INSYN2B: variants seen among roughly 807,000 people sequenced by gnomAD.
INSYN2B encodes the protein protein INSYN2B.
INSYN2B carries 16 observed loss-of-function variants against 41.2 expected under a neutral mutation model. That is an observed-to-expected ratio of 0.39 (90% CI 0.26 to 0.59). INSYN2B has a LOEUF of 0.59. INSYN2B is among the 20% of genes least tolerant of loss of function. The pLI is 0.57. For synonymous variants in INSYN2B, 245 were observed against 244.4 expected, an observed-to-expected ratio of 1.00 and a Z score of -0.02; for missense variants, 608 against 646.4, an observed-to-expected ratio of 0.94 and a Z score of 0.64.
At chr5:169,970,157 T>C (rs933643944) in intron 1 of INSYN2B, among the ~76,000 whole-genome samples, 1 of 152,226 alleles carries the variant, frequency 6.6e-6, no homozygotes, top group African/African-American at 2.4e-5. Context: ...ATCAATCGTT[T>C]GGTTTTTAAT....
intron 3 of INSYN2B, among the ~76,000 whole-genome samples, chr5:169,873,608 C>T (rs765474311): frequency 2.0e-5 from 3 of 152,190 alleles, no homozygotes; most frequent in African/African-American, 7.2e-5. Flanking sequence ...CCTGGCTCCA[C>T]GCTGGGACAC....
At chr5:169,950,564 T>A (rs1269734270) in intron 1 of INSYN2B, among the ~76,000 whole-genome samples, 3 of 152,184 alleles carry the variant, frequency 2.0e-5, no homozygotes, top group Non-Finnish European at 4.4e-5. Flanking sequence ...GGGGGTTGTG[T>A]CAGTTTCTCT....
chr5:169,969,351 A>G (rs1777417212), intron 1 of INSYN2B, among the ~76,000 whole-genome samples: 1 of 152,078 alleles, frequency 6.6e-6, no homozygotes, highest in Non-Finnish European at 1.5e-5. Flanking sequence ...AGGCTGAGGC[A>G]GGAGATTCAC....
chr5:169,913,675 T>C (rs549313622), intron 1 of INSYN2B, among the ~76,000 whole-genome samples: 3 of 151,850 alleles, frequency 2.0e-5, no homozygotes, highest in Non-Finnish European at 4.4e-5. Context: ...CACTTTGTTG[T>C]GAAATTCAGT....
intron 2 of INSYN2B, 77 bp from the exon 3 acceptor site, chr5:169,881,519 C>A (rs1772645850): frequency 8.8e-7 from 1 of 1,138,058 alleles, no homozygotes; most frequent in African/African-American, 1.5e-5. Context: ...CTACTTGTCC[C>A]TTAGTCCCTA....
At chr5:169,901,546 G>A (rs149616049) in intron 1 of INSYN2B, among the ~76,000 whole-genome samples, 7 of 152,286 alleles carry the variant, frequency 4.6e-5, no homozygotes, top group African/African-American at 1.7e-4. Flanking sequence ...AAAAGTGGAA[G>A]CAGGATGAAC....
intron 1 of INSYN2B, among the ~76,000 whole-genome samples, chr5:169,961,978 C>CAAAAAAAAAAAAAAAAG (rs1777105383): frequency 1.3e-5 from 1 of 74,654 alleles, no homozygotes; most frequent in East Asian, 4.4e-4. Flanking sequence ...GACTCTGTCC[C>CAAAAAAAAAAAAAAAAG]AAAAAAAAAA....
intron 2 of INSYN2B, among the ~76,000 whole-genome samples, chr5:169,882,171 T>C (rs1772692631): frequency 6.6e-6 from 1 of 152,186 alleles, no homozygotes; most frequent in Admixed American, 6.5e-5. Context: ...AGAAATACTG[T>C]ACAAATGCAG....
At chr5:169,879,546 G>C (rs1205920421) in intron 3 of INSYN2B, among the ~76,000 whole-genome samples, 1 of 152,312 alleles carries the variant, frequency 6.6e-6, no homozygotes, top group South Asian at 2.1e-4. Flanking sequence ...TACAATTGCT[G>C]TTCTTCTGGA....
At chr5:169,927,783 A>AT (rs1775543707) in intron 1 of INSYN2B, among the ~76,000 whole-genome samples, 1 of 152,016 alleles carries the variant, frequency 6.6e-6, no homozygotes, top group Admixed American at 6.6e-5. Flanking sequence ...CGCCTGGCTA[A>AT]TTTTTTGTAT....
rs1350738526 is a variant in INSYN2B at position 169,883,292 on chromosome 5, G to C, written c.607C>G (p.Gln203Glu). 3 of 1,551,512 alleles carry C rather than the reference G, an allele frequency of 1.9e-6. No homozygotes were observed. Among genetic ancestry groups the C allele is most frequent in the African/African-American group, 2.7e-5 (2 of 73,042 alleles). ...RSLEKATAAIQVPDDIYHSPS... is the reference protein window; with the variant it reads ...RSLEKATAAIEVPDDIYHSPS... ...CTGTGATAAATATCATCTGGAACCT[G>C]AATGGCAGCTGTGGCTTTCTCTAAG... Residue 203 changes from glutamine to glutamate, a missense_variant, in exon 2 of 4, where the codon CAG becomes GAG. Physicochemically the swap from Gln to Glu is conservative, Grantham distance 29. Transcript: ENST00000377365.
At chr5:169,888,076 C>T (rs184793687) in intron 1 of INSYN2B, among the ~76,000 whole-genome samples, 29 of 152,184 alleles carry the variant, frequency 1.9e-4, no homozygotes, top group South Asian at 1.2e-3. Flanking sequence ...AATAGTCAAA[C>T]GAATGTGGAA....
intron 1 of INSYN2B, among the ~76,000 whole-genome samples, chr5:169,909,035 G>C (rs1484601621): frequency 6.6e-6 from 1 of 152,184 alleles, no homozygotes; most frequent in Admixed American, 6.5e-5. Flanking sequence ...AGCCCCTAGA[G>C]TGAATGTGAG....
chr5:169,887,269 G>A (rs1200060423), intron 1 of INSYN2B, among the ~76,000 whole-genome samples: 1 of 152,086 alleles, frequency 6.6e-6, no homozygotes, highest in African/African-American at 2.4e-5. Context: ...GTATCCTTTA[G>A]ATGTTTTCTT....
intron 3 of INSYN2B, among the ~76,000 whole-genome samples, chr5:169,869,462 CAT>C (rs1771803534): frequency 6.6e-6 from 1 of 152,220 alleles, no homozygotes; most frequent in Admixed American, 6.5e-5. Context: ...AATTTATTAA[CAT>C]AAAGGAAAAT....
chr5:169,945,992 C>G (rs574746244), intron 1 of INSYN2B, among the ~76,000 whole-genome samples: 2 of 152,126 alleles, frequency 1.3e-5, no homozygotes, highest in South Asian at 4.1e-4. Flanking sequence ...TGCAACACCC[C>G]GGTGCCATCC....
rs1296913063 is a variant in INSYN2B at position 169,910,611 on chromosome 5, C to T, written c.-918-25795G>A. On this transcript the variant is annotated intron_variant, in intron 1 of 3. Transcript: ENST00000377365. Reference sequence around the variant, plus strand: ...CTAAGTGTTTGGCACTGAGTGAAAACGATATGTCATGTTCACAGCAGATGA... The same window carrying T: ...CTAAGTGTTTGGCACTGAGTGAAAATGATATGTCATGTTCACAGCAGATGA... Among the ~76,000 whole-genome samples the T allele has an allele frequency of 3.3e-5, 5 of 152,242 alleles. No homozygotes were observed. In the South Asian group the frequency reaches 6.2e-4, roughly 19 times the overall value.
chr5:169,883,820 G>T lies in INSYN2B; in HGVS notation c.79C>A (p.Pro27Thr). The change falls in exon 2 of 4, where the codon CCT becomes ACT. Residue 27 changes from proline to threonine, a missense_variant. Coordinates refer to ENST00000377365, the MANE Select transcript of INSYN2B (RefSeq NM_001129891.3). Reference sequence around the variant, plus strand: ...TGGGATTTGCTCCTGCGGTGGTGAGGTTGTTTCACAAACTCCACTGATTCT... The same window carrying T: ...TGGGATTTGCTCCTGCGGTGGTGAGTTTGTTTCACAAACTCCACTGATTCT... ...SLESVEFVKQ[P>T]HHRRSKSQQV... 1 of 1,549,554 alleles carries T rather than the reference G, an allele frequency of 6.5e-7. No individual in the cohort carries two copies. Among genetic ancestry groups the T allele is most frequent in the South Asian group, 1.2e-5 (1 of 83,848 alleles).
chr5:169,875,510 C>T, intron 3 of INSYN2B: 1 of 321,194 alleles, frequency 3.1e-6, no homozygotes. Context: ...TGGAATCTGG[C>T]TTGTTGGAAG....
Sources: allele counts gnomAD v4.1 joint callset (sites outside exome capture counted in the v4.1 genomes callset), GRCh38; gene constraint gnomAD v4.1.1; transcripts MANE v1.5; gene names NCBI Gene and HGNC (gene_info 2026-07-23, HGNC 2026-07-21).